BTG2: variants seen among roughly 807,000 people sequenced by gnomAD.
The protein encoded by BTG2 is protein BTG2.
In BTG2, 9 loss-of-function variants were observed where a neutral mutation model predicts 13.1. The ratio of observed to expected loss-of-function variants is 0.69; its 90% CI spans 0.41 to 1.20. BTG2 has a LOEUF of 1.20. BTG2 is among the 50% of genes most tolerant of loss of function. The probability of loss-of-function intolerance (pLI) is 0.00; values close to 1 mark genes in which losing one functional copy is unlikely to be tolerated. For synonymous variants in BTG2, 92 were observed against 88.6 expected (o/e 1.04, Z -0.21); for missense variants, 200 against 209.5 (o/e 0.95, Z 0.28).
chr1:203,305,701 A>T lies in BTG2; in HGVS notation c.95A>T (p.Glu32Val). The change falls in exon 1 of 2, where the codon GAG becomes GTG. Residue 32 changes from glutamate to valine, a missense_variant. Physicochemically the swap from Glu to Val is moderately radical, Grantham distance 121. Coordinates refer to ENST00000290551, the MANE Select transcript of BTG2 (RefSeq NM_006763.3). ...CTGAGGACCCGGGGCTGCGTGAGCG[A>T]GCAGAGGCTTAAGGTCTTCAGCGGG... ...SLLRTRGCVS[E>V]QRLKVFSGAL... 6.4e-7 allele frequency: 1 copy of T among 1,555,760 alleles called. No individual in the cohort carries two copies. Among genetic ancestry groups the T allele is most frequent in the Non-Finnish European group, 8.7e-7 (1 of 1,149,496 alleles).
At chr1:203,306,349 G>C (rs1286345460) in intron 1 of BTG2, among the ~76,000 whole-genome samples, 1 of 152,030 alleles carries the variant, frequency 6.6e-6, no homozygotes, top group Non-Finnish European at 1.5e-5. Flanking sequence ...TGACCCTGCC[G>C]TGCGGGCCTT....
chr1:203,305,646 G>A lies in BTG2; in HGVS notation c.40G>A (p.Ala14Thr). 6.3e-7 allele frequency: 1 copy of A among 1,586,382 alleles called. No individual in the cohort carries two copies. Among genetic ancestry groups the A allele is most frequent in the Non-Finnish European group, 8.6e-7 (1 of 1,166,876 alleles). The change falls in exon 1 of 2, where the codon GCC becomes ACC. Residue 14 changes from alanine (A) to threonine (T), a missense_variant. Transcript: ENST00000290551. Reference protein sequence around the residue: ...GKGTDMLPEIAAAVGFLSSLL... With the variant: ...GKGTDMLPEITAAVGFLSSLL... ...GGGAACCGACATGCTCCCGGAGATC[G>A]CCGCCGCCGTGGGCTTCCTCTCCAG...
Position 203,307,644 on chromosome 1 carries a change from G to A in BTG2, c.*206G>A. On this transcript the variant is annotated 3_prime_UTR_variant, in exon 2 of 2. Coordinates refer to ENST00000290551, the MANE Select transcript of BTG2 (RefSeq NM_006763.3). ...AGCTGCTTGGAAGTGGCCTCCCCAG[G>A]TGCCTTTGGAGAGAACTGTTGCGTG... 2.5e-6 allele frequency: 1 copy of A among 395,012 alleles called. No homozygotes were observed. The highest frequency in any genetic ancestry group is 7.4e-5 in the South Asian group (1 of 13,458). The allele number at this position is 395,012 out of a possible 1,614,324, so 24.5% of individuals were successfully genotyped here.
chr1:203,306,830 TCA>T (rs1220050362), intron 1 of BTG2, among the ~76,000 whole-genome samples: 1 of 136,512 alleles, frequency 7.3e-6, no homozygotes, highest in Admixed American at 7.7e-5. Flanking sequence ...ACTCTCTCTC[TCA>T]CACACACACA....
In BTG2 at chr1:203,305,749, G is replaced by A. The variant is rs1270109023; in HGVS notation, c.142+1G>A. 6.5e-7 allele frequency: 1 copy of A among 1,545,604 alleles called. No homozygotes were observed. Among genetic ancestry groups the A allele is most frequent in the Non-Finnish European group, 8.7e-7 (1 of 1,145,090 alleles). On this transcript the variant is annotated splice_donor_variant, in intron 1 of 1. Transcript: ENST00000290551. LOFTEE classifies it high-confidence loss of function. ...GGGGCGCTCCAGGAGGCACTCACAG[G>A]TGAGCGCATGCCGAGGGGCCTGGCG...
Position 203,307,704 on chromosome 1 carries a change from G to A in BTG2, c.*266G>A. 3.8e-6 allele frequency: 1 copy of A among 265,904 alleles called. No individual in the cohort carries two copies. Among genetic ancestry groups the A allele is most frequent in the Non-Finnish European group, 7.0e-6 (1 of 143,762 alleles). The allele number at this position is 265,904 out of a possible 1,614,324, so 16.5% of individuals were successfully genotyped here. ...GTGAGCCAGTGTCTGCCTATAGGAG[G>A]GGGAGCTGTTAGGGGGTAGACCTAG... On this transcript the variant is annotated 3_prime_UTR_variant, in exon 2 of 2. Transcript: ENST00000290551.
At position 203,307,562 on chromosome 1, in the gene BTG2, T is replaced by A. The variant is rs1162613918; in HGVS notation, c.*124T>A. On this transcript the variant is annotated 3_prime_UTR_variant, in exon 2 of 2. Coordinates refer to ENST00000290551, the MANE Select transcript of BTG2 (RefSeq NM_006763.3). ...GCTATTTATATATATTATTTTTTTT[T>A]AAGAAAGGAGGAAAAGAAACCAAAA... 5.1e-6 allele frequency: 4 copies of A among 783,536 alleles called. No homozygotes were observed. The highest frequency in any genetic ancestry group is 3.6e-5 in the African/African-American group (2 of 55,198). The allele number at this position is 783,536 out of a possible 1,614,324, so 48.5% of individuals were successfully genotyped here. A position where few individuals can be genotyped will look rare whatever the true frequency, so the allele number is the denominator to read the frequency against.
At chr1:203,306,363 G>A (rs535285778) in intron 1 of BTG2, among the ~76,000 whole-genome samples, 2 of 152,204 alleles carry the variant, frequency 1.3e-5, no homozygotes, top group African/African-American at 2.4e-5. Flanking sequence ...GGGCCTTCAA[G>A]TTGGGAGGTG....
rs367900254 is a variant in BTG2, at chr1:203,308,219, A to G, written c.*781A>G. The G allele has an allele frequency of 4.6e-5, 7 of 152,724 alleles. No homozygotes were observed. Among genetic ancestry groups the G allele is most frequent in the African/African-American group, 2.4e-5 (1 of 41,544 alleles). The allele number at this position is 152,724 out of a possible 1,614,324, so 9.5% of individuals were successfully genotyped here. On this transcript the variant is annotated 3_prime_UTR_variant, in exon 2 of 2. Coordinates refer to ENST00000290551, the MANE Select transcript of BTG2 (RefSeq NM_006763.3). ...GCTGCTTTGTGTGTATGTGTGGCAA[A>G]TAATTTGGGGGTGATTTGCAATGAA...
At chr1:203,306,993 A>G (rs1658293568) in intron 1 of BTG2, 111 bp from the exon 2 acceptor site, 6 of 884,726 alleles carry the variant, frequency 6.8e-6, no homozygotes, top group Non-Finnish European at 1.0e-5. Context: ...TCCCTTACTT[A>G]AAGGGCCCCT....
chr1:203,306,198 C>T (rs1267919506), intron 1 of BTG2, among the ~76,000 whole-genome samples: 4 of 152,166 alleles, frequency 2.6e-5, no homozygotes, highest in Non-Finnish European at 5.9e-5. Flanking sequence ...TTCTTCCTGC[C>T]GGTCGGGGTG....
rs1658306550 is a variant in BTG2 at position 203,307,522 on chromosome 1, AT to A, written c.*89del. The A allele has an allele frequency of 1.8e-6, 2 of 1,128,956 alleles. No individual in the cohort carries two copies. Among genetic ancestry groups the A allele is most frequent in the Non-Finnish European group, 1.2e-6 (1 of 811,516 alleles). The allele number at this position is 1,128,956 out of a possible 1,614,324, so 69.9% of individuals were successfully genotyped here. ...CACATACCTCAACCTGGGGAACTGTATTTTTAAATGAAGAGCTATTTATATA... is the reference window on the plus strand; with the variant it reads ...CACATACCTCAACCTGGGGAACTGTATTTTAAATGAAGAGCTATTTATATA... On this transcript the variant is annotated 3_prime_UTR_variant, in exon 2 of 2. Transcript: ENST00000290551.
chr1:203,306,027 C>T (rs938985104), intron 1 of BTG2, among the ~76,000 whole-genome samples: 3 of 152,308 alleles, frequency 2.0e-5, no homozygotes, highest in Admixed American at 6.5e-5. Flanking sequence ...GAGTCCCCAG[C>T]TTATGCCCCT....
At chr1:203,306,354 G>T (rs1658273175) in intron 1 of BTG2, among the ~76,000 whole-genome samples, 1 of 152,176 alleles carries the variant, frequency 6.6e-6, no homozygotes, top group African/African-American at 2.4e-5. Flanking sequence ...CTGCCGTGCG[G>T]GCCTTCAAGT....
chr1:203,308,374 C>G lies in BTG2; in HGVS notation c.*936C>G, dbSNP rs1658320758. ...GGTGGCTCAAAAGCTACAGGGAACT[C>G]CAGGTCCTTTATTACTGCCTTCTTT... is the stretch of plus-strand genomic sequence containing the variant. On this transcript the variant is annotated 3_prime_UTR_variant, in exon 2 of 2. Coordinates refer to ENST00000290551, the MANE Select transcript of BTG2 (RefSeq NM_006763.3). The G allele has an allele frequency of 6.6e-6, 1 of 152,650 alleles. No homozygotes were observed. The highest frequency in any genetic ancestry group is 1.5e-5 in the Non-Finnish European group (1 of 68,066). 9.5% of individuals were successfully genotyped at this position (152,650 alleles called of 1,614,324 possible). A position where few individuals can be genotyped will look rare whatever the true frequency, so the allele number is the denominator to read the frequency against.
chr1:203,307,596 T>A lies in BTG2; in HGVS notation c.*158T>A. On this transcript the variant is annotated 3_prime_UTR_variant, in exon 2 of 2. Transcript: ENST00000290551. ...AGGAAAAGAAACCAAAAGTTTTTTT[T>A]AAGAAAAAAAATCCTTCAAGGGAGC... 1.7e-6 allele frequency: 1 copy of A among 597,966 alleles called. No homozygotes were observed. The highest frequency in any genetic ancestry group is 5.6e-5 in the South Asian group (1 of 18,014). 37.0% of individuals were successfully genotyped at this position (597,966 alleles called of 1,614,324 possible). A position where few individuals can be genotyped will look rare whatever the true frequency, so the allele number is the denominator to read the frequency against.
chr1:203,308,662 T>A lies in BTG2; in HGVS notation c.*1224T>A, dbSNP rs961837311. On this transcript the variant is annotated 3_prime_UTR_variant, in exon 2 of 2. Transcript: ENST00000290551. ...CTTGGCTGAATGGGAGAGTGCCCCA[T>A]GTTCTGCAAGACTACTTGGTATTCT... 2 of 152,590 alleles carry A rather than the reference T, an allele frequency of 1.3e-5. No homozygotes were observed. Among genetic ancestry groups the A allele is most frequent in the African/African-American group, 2.4e-5 (1 of 41,448 alleles). 9.5% of individuals were successfully genotyped at this position (152,590 alleles called of 1,614,324 possible).
chr1:203,305,873 C>T, intron 1 of BTG2, 125 bp downstream of exon 1: 1 of 1,345,802 alleles, frequency 7.4e-7, no homozygotes, highest in Non-Finnish European at 9.9e-7. Flanking sequence ...TGGCCCTCCT[C>T]CGACCCCCGG....
rs866232134 is a variant in BTG2, at chr1:203,308,417, C to T, written c.*979C>T. On this transcript the variant is annotated 3_prime_UTR_variant, in exon 2 of 2. Transcript: ENST00000290551. ...CCTTCTTTTCAAAAGCACAACTCTC[C>T]TCTAACCCTCCCCTCCCCCTTCCCT... 1.3e-5 allele frequency: 2 copies of T among 152,830 alleles called. No homozygotes were observed. The highest frequency in any genetic ancestry group is 2.1e-4 in the South Asian group (1 of 4,826). The allele number at this position is 152,830 out of a possible 1,614,324, so 9.5% of individuals were successfully genotyped here. A position where few individuals can be genotyped will look rare whatever the true frequency, so the allele number is the denominator to read the frequency against.
Sources: allele counts gnomAD v4.1 joint callset (sites outside exome capture counted in the v4.1 genomes callset), GRCh38; gene constraint gnomAD v4.1.1; transcripts MANE v1.5; gene names NCBI Gene and HGNC (gene_info 2026-07-23, HGNC 2026-07-21).